COL12A1: variants seen among roughly 807,000 people sequenced by gnomAD.
COL12A1 encodes collagen type XII alpha 1 chain.
A neutral mutation model predicts 349.7 loss-of-function variants in COL12A1; 114 were observed. That is an observed-to-expected ratio of 0.33 (90% CI 0.28 to 0.38). The LOEUF (loss-of-function observed/expected upper bound fraction) is 0.38. Among genes scored for constraint, COL12A1 ranks in the 10% least tolerant of loss-of-function variants. The probability of loss-of-function intolerance (pLI) is 1.00; values close to 1 mark genes in which losing one functional copy is unlikely to be tolerated. For synonymous variants in COL12A1, 1,369 were observed against 1,329.0 expected, an observed-to-expected ratio of 1.03 and a Z score of -0.66; for missense variants, 3,284 against 3,756.9, an observed-to-expected ratio of 0.87 and a Z score of 3.29.
intron 37 of COL12A1, 83 bp from the exon 38 acceptor site, chr6:75,128,508 T>C: frequency 8.6e-7 from 1 of 1,167,554 alleles, no homozygotes; most frequent in Non-Finnish European, 1.1e-6. Context: ...TGTATTCCCA[T>C]AAACAGTAAT....
At position 75,101,807 on chromosome 6, in the gene COL12A1, G is replaced by A. The variant is rs1020100464; in HGVS notation, c.8470-154C>T. On this transcript the variant is annotated intron_variant, in intron 57 of 65. Coordinates refer to ENST00000322507, the MANE Select transcript of COL12A1 (RefSeq NM_004370.6). Reference sequence around the variant, plus strand: ...GCACATTGCCAAGCATACAGTAGATGCTCAGTCAACAAGCAGATACCTGAA... The same window carrying A: ...GCACATTGCCAAGCATACAGTAGATACTCAGTCAACAAGCAGATACCTGAA... The A allele has an allele frequency of 7.2e-6, 7 of 970,760 alleles. No homozygotes were observed. The African/African-American group carries it at 1.1e-4, about 16-fold the overall frequency. 60.1% of individuals were successfully genotyped at this position (970,760 alleles called of 1,614,324 possible).
At chr6:75,178,500 A>AT (rs1322481854) in intron 11 of COL12A1, among the ~76,000 whole-genome samples, 1 of 152,182 alleles carries the variant, frequency 6.6e-6, no homozygotes, top group Non-Finnish European at 1.5e-5. Context: ...ATGAATGCTC[A>AT]TTAGATCTAC....
At chr6:75,138,282 T>C (rs1766720955) in intron 30 of COL12A1, 38 bp downstream of exon 30, 2 of 1,560,392 alleles carry the variant, frequency 1.3e-6, no homozygotes, top group Admixed American at 3.5e-5. Context: ...TCATTCATTA[T>C]TTGTTCATTC....
chr6:75,188,910 A>G (rs1304590698), intron 7 of COL12A1, among the ~76,000 whole-genome samples: 2 of 152,124 alleles, frequency 1.3e-5, no homozygotes, highest in African/African-American at 4.8e-5. Flanking sequence ...CACATAAAAA[A>G]CACTTAATGA....
At position 75,175,094 on chromosome 6, in the gene COL12A1, G is replaced by C. The variant is rs371518967; in HGVS notation, c.2654C>G (p.Ala885Gly). The change falls in exon 13 of 66, where the codon GCC becomes GGC. Residue 885 changes from alanine to glycine, a missense_variant. Around this residue, in one of 2 missense-constraint regions of COL12A1, gnomAD observed 2,601 missense variants for 2,824.8 expected, o/e 0.92. Coordinates refer to ENST00000322507, the MANE Select transcript of COL12A1 (RefSeq NM_004370.6). ...EGTQYALSVT[A>G]LYASGAGDAL... ...GTCTCCAGCCCCAGACGCATACAAGGCTGTCACAGATAAGGCGTATTGTGT... is the reference window on the plus strand; with the variant it reads ...GTCTCCAGCCCCAGACGCATACAAGCCTGTCACAGATAAGGCGTATTGTGT... 8 of 1,613,976 alleles carry C rather than the reference G, an allele frequency of 5.0e-6. No homozygotes were observed. Among genetic ancestry groups the C allele is most frequent in the South Asian group, 1.1e-5 (1 of 91,082 alleles).
At chr6:75,116,433 T>C (rs1171962122) in intron 47 of COL12A1, among the ~76,000 whole-genome samples, 3 of 152,108 alleles carry the variant, frequency 2.0e-5, no homozygotes, top group Non-Finnish European at 4.4e-5. Context: ...AACCCTCTTC[T>C]CTGCCAAGTC....
In COL12A1 at chr6:75,101,461, GAC is replaced by G. The variant is rs1474571530; in HGVS notation, c.8523+137_8523+138del. 5.4e-5 allele frequency: 40 copies of G among 746,062 alleles called. No homozygotes were observed. The Admixed American group carries it at 8.6e-4, about 16-fold the overall frequency. The allele number at this position is 746,062 out of a possible 1,614,324, so 46.2% of individuals were successfully genotyped here. A position where few individuals can be genotyped will look rare whatever the true frequency, so the allele number is the denominator to read the frequency against. On this transcript the variant is annotated intron_variant, in intron 58 of 65. Transcript: ENST00000322507. ...TTGATCTGATGTTGGATGGTCCACT[GAC>G]ATTAGCTTTGCAGCTTTGCAGCTTT...
chr6:75,180,562 C>CATATATATATATATATATATATA (rs556621496), intron 11 of COL12A1, among the ~76,000 whole-genome samples: 1 of 150,586 alleles, frequency 6.6e-6, no homozygotes, highest in African/African-American at 2.5e-5. Flanking sequence ...TACTTATTAC[C>CATATATATATATATATATATATA]TATATATACA....
intron 26 of COL12A1, 49 bp downstream of exon 26, chr6:75,143,203 C>A: frequency 6.2e-7 from 1 of 1,603,584 alleles, no homozygotes; most frequent in Non-Finnish European, 8.5e-7. Context: ...TTTTTTTAAA[C>A]CTACTAGGAA....
chr6:75,130,062 A>G (rs771525202), intron 37 of COL12A1, 29 bp downstream of exon 37: 3 of 1,610,554 alleles, frequency 1.9e-6, no homozygotes, highest in South Asian at 2.2e-5. Flanking sequence ...AGATGATAAA[A>G]TGTGCCAATA....
chr6:75,126,649 C>T (rs1044723731), intron 38 of COL12A1, among the ~76,000 whole-genome samples, 179 bp from the exon 39 acceptor site: 2 of 152,060 alleles, frequency 1.3e-5, no homozygotes, highest in Admixed American at 1.3e-4. Context: ...AATAGTTTTC[C>T]AAATTTAAAC....
intron 59 of COL12A1, among the ~76,000 whole-genome samples, chr6:75,096,755 G>T (rs1039550693): frequency 1.3e-5 from 2 of 151,932 alleles, no homozygotes; most frequent in South Asian, 2.1e-4. Context: ...AATTAGCCGG[G>T]CGTAGTGGCG....
chr6:75,172,537 T>TA (rs1768691132), intron 13 of COL12A1, among the ~76,000 whole-genome samples: 1 of 152,150 alleles, frequency 6.6e-6, no homozygotes, highest in Admixed American at 6.6e-5. Flanking sequence ...GTTTGTCCTC[T>TA]AAAAAAATCT....
chr6:75,203,012 T>C (rs1286454450), intron 1 of COL12A1, among the ~76,000 whole-genome samples, 185 bp from the exon 2 acceptor site: 1 of 152,176 alleles, frequency 6.6e-6, no homozygotes, highest in Non-Finnish European at 1.5e-5. Context: ...AGAAGTTTAA[T>C]CATGGCCCTA....
intron 12 of COL12A1, among the ~76,000 whole-genome samples, chr6:75,177,076 T>A (rs1019054344): frequency 6.6e-6 from 1 of 152,176 alleles, no homozygotes; most frequent in Non-Finnish European, 1.5e-5. Flanking sequence ...ATCCTTCAAT[T>A]CACACTAAAA....
At chr6:75,194,215 T>G (rs2149481910) in intron 3 of COL12A1, among the ~76,000 whole-genome samples, 1 of 152,316 alleles carries the variant, frequency 6.6e-6, no homozygotes, top group Non-Finnish European at 1.5e-5. Flanking sequence ...TCTCATTCCA[T>G]TTTAGAACTA....
At chr6:75,099,097 A>G (rs1014275407) in intron 58 of COL12A1, among the ~76,000 whole-genome samples, 2 of 152,190 alleles carry the variant, frequency 1.3e-5, no homozygotes, top group Non-Finnish European at 2.9e-5. Context: ...GATTTTCACA[A>G]AAGTTGACCA....
In COL12A1 at chr6:75,123,988, T is replaced by C. The variant is rs1765880402; in HGVS notation, c.6831A>G (p.Pro2277=). The C allele has an allele frequency of 1.9e-6, 3 of 1,613,646 alleles. No homozygotes were observed. In the South Asian group the frequency reaches 3.3e-5, roughly 18 times the overall value. The change falls in exon 42 of 66, where the codon CCA becomes CCG. Residue 2277 remains proline (P), a synonymous_variant. Transcript: ENST00000322507. The part of the protein sequence containing the change: ...DYGVTVFVQT[P]NLEGPGVSVK... ...CAGAGACTCCTGGTCCCTCGAGATT[T>C]GGTGTCTGCACAAAAACAGTGACAC...
rs372700355 is a variant in COL12A1 at position 75,095,165 on chromosome 6, G to C, written c.8592C>G (p.Ser2864=). 3.4e-5 allele frequency: 55 copies of C among 1,613,788 alleles called. No individual in the cohort carries two copies. The highest frequency in any genetic ancestry group is 1.3e-4 in the Admixed American group (8 of 59,976). ...TCCCACTTGGTCCTGTGACTCCTGG[G>C]GAGCCTGGGCTTCCCTACAACACAT... ...GPPGPPGSPG[S]PGVTGPSGKP... Residue 2864 remains serine, a synonymous_variant, in exon 60 of 66, where the codon TCC becomes TCG. Coordinates refer to ENST00000322507, the MANE Select transcript of COL12A1 (RefSeq NM_004370.6).
Sources: gnomAD v4.1 joint callset for allele counts (sites outside exome capture counted in the v4.1 genomes callset) on GRCh38, gnomAD v4.1.1 for gene constraint, gnomAD v4.1.1 regional missense constraint, MANE v1.5 for transcripts, NCBI Gene and HGNC (gene_info 2026-07-23, HGNC 2026-07-21) for gene names.